Variants in CES4A observed in about 807,000 individuals in gnomAD.
CES4A encodes the protein carboxylesterase 6.
A neutral mutation model predicts 65.4 loss-of-function variants in CES4A; 48 were observed. The observed-to-expected ratio is 0.73, with a 90% CI of 0.58 to 0.93. The LOEUF is 0.93. CES4A is among the 40% of genes least tolerant of loss of function. The pLI is 0.00. For synonymous variants in CES4A, 247 were observed against 281.8 expected (o/e 0.88, Z 1.24); for missense variants, 685 against 728.5 (o/e 0.94, Z 0.69).
In CES4A at chr16:67,000,599, G is replaced by A. The variant is rs1965214368; in HGVS notation, c.261-39G>A. 1 of 1,523,016 alleles carries A rather than the reference G, an allele frequency of 6.6e-7. No homozygotes were observed. Among genetic ancestry groups the A allele is most frequent in the Non-Finnish European group, 8.8e-7 (1 of 1,130,454 alleles). 94.3% of individuals were successfully genotyped at this position (1,523,016 alleles called of 1,614,324 possible). ...CTCACTGCGGACCCTGGATTGAAAC[G>A]ATCTCCCCGCGGCCGCCGCCGCTAC... On this transcript the variant is annotated intron_variant, in intron 2 of 13. Transcript: ENST00000648724. This position sits in a 1 kb window ranked among gnomAD's most constrained non-coding sequence, Gnocchi z 4.2.
intron 13 of CES4A, chr16:67,008,677 G>A (rs1331350821): frequency 7.1e-6 from 2 of 280,026 alleles, no homozygotes; most frequent in Non-Finnish European, 1.4e-5. Context: ...TGGGATTACA[G>A]GCATGAGCCA....
At chr16:66,993,445 C>T (rs1014541003) in intron 1 of CES4A, among the ~76,000 whole-genome samples, 2 of 152,050 alleles carry the variant, frequency 1.3e-5, no homozygotes, top group African/African-American at 2.4e-5. Context: ...CGGGTTCAAG[C>T]GATTCTCCTG....
intron 2 of CES4A, chr16:66,996,040 T>G: frequency 1.5e-6 from 1 of 687,968 alleles, no homozygotes; most frequent in Non-Finnish European, 2.6e-6. Context: ...GGTTTTTGTT[T>G]TTGTTTTTGT....
exon 2 of CES4A, chr16:66,995,727 G>A (rs1467673425): frequency 1.2e-6 from 2 of 1,614,196 alleles, no homozygotes; most frequent in African/African-American, 1.3e-5. Context: ...GTCTTTTTAG[G>A]AGTCCCCTTC....
rs753212297 is a variant in CES4A at position 67,000,687 on chromosome 16, C to G, written c.310C>G (p.Arg104Gly). ...GCTGGCCTCGATGTACGTCAGCACG[C>G]GGGAACGGTACAAGTGGCTGCGCTT... The change falls in exon 3 of 14, where the codon CGG becomes GGG. Residue 104 changes from arginine to glycine, a missense_variant. Coordinates refer to ENST00000648724, the Ensembl canonical transcript of CES4A. This position sits in a 1 kb window ranked among gnomAD's most constrained non-coding sequence, Gnocchi z 4.2. 6 of 1,550,638 alleles carry G rather than the reference C, an allele frequency of 3.9e-6. No homozygotes were observed. In the Admixed American group the frequency reaches 9.8e-5, roughly 25 times the overall value.
chr16:67,001,226 G>C lies in CES4A; in HGVS notation c.537-82G>C. The C allele has an allele frequency of 6.8e-7, 1 of 1,467,528 alleles. No individual in the cohort carries two copies. Among genetic ancestry groups the C allele is most frequent in the Non-Finnish European group, 9.0e-7 (1 of 1,107,942 alleles). 90.9% of individuals were successfully genotyped at this position (1,467,528 alleles called of 1,614,324 possible). A position where few individuals can be genotyped will look rare whatever the true frequency, so the allele number is the denominator to read the frequency against. ...GTCTTAGAGGGGCAAGGCTGGGCTGGGTGGGGGAAGCCCAGGAGGGCAGCC... is the reference window on the plus strand; with the variant it reads ...GTCTTAGAGGGGCAAGGCTGGGCTGCGTGGGGGAAGCCCAGGAGGGCAGCC... On this transcript the variant is annotated intron_variant, in intron 4 of 13. Transcript: ENST00000648724. The surrounding 1 kb of genome is among the most constrained non-coding windows in gnomAD (Gnocchi z 4.1).
At chr16:67,007,336 C>G (rs1236248754) in intron 13 of CES4A, 1 of 152,186 alleles carries the variant, frequency 6.6e-6, no homozygotes, top group Non-Finnish European at 1.5e-5. Context: ...AGTGCAGTGG[C>G]GCAATCCCAG....
chr16:67,007,777 T>A (rs1160772394), intron 13 of CES4A: 1 of 151,152 alleles, frequency 6.6e-6, no homozygotes, highest in Non-Finnish European at 1.5e-5. Flanking sequence ...CATACCACCA[T>A]GCCCGTCTAA....
rs1449385379 is a variant in CES4A at position 66,995,680 on chromosome 16, AGGAAAACAGATGCATGTGG to A, written c.116_134del (p.Lys39ArgfsTer8). 2 of 1,614,236 alleles carry A rather than the reference AGGAAAACAGATGCATGTGG, an allele frequency of 1.2e-6. No individual in the cohort carries two copies. The highest frequency in any genetic ancestry group is 2.2e-5 in the South Asian group (2 of 91,090). On this transcript the variant is annotated frameshift_variant, in exon 2 of 14. Coordinates refer to ENST00000648724, the Ensembl canonical transcript of CES4A. LOFTEE classifies it high-confidence loss of function. ...TGGTCACCAAATATGGAACCCTGCA[AGGAAAACAGATGCATGTGG>A]GGAAGACACCCATCCAAGTCTTTTT...
At chr16:66,998,827 C>G (rs1316973252) in intron 2 of CES4A, among the ~76,000 whole-genome samples, 1 of 151,920 alleles carries the variant, frequency 6.6e-6, no homozygotes, top group Non-Finnish European at 1.5e-5. Context: ...TGCCACTGCA[C>G]TCCAGCCTGG....
Position 67,005,408 on chromosome 16 carries a change from C to T in CES4A, c.1315+15C>T. ...CTACCACCGAGGTATGCAGGGTCCCCAAGAGTGGCCACACTGGCCCCGTCC... is the reference window on the plus strand; with the variant it reads ...CTACCACCGAGGTATGCAGGGTCCCTAAGAGTGGCCACACTGGCCCCGTCC... On this transcript the variant is annotated intron_variant, in intron 11 of 13. Coordinates refer to ENST00000648724, the Ensembl canonical transcript of CES4A. The T allele has an allele frequency of 1.2e-6, 2 of 1,611,522 alleles. No individual in the cohort carries two copies. Among genetic ancestry groups the T allele is most frequent in the Non-Finnish European group, 1.7e-6 (2 of 1,178,862 alleles).
chr16:66,992,046 G>C (rs768924938), intron 1 of CES4A, among the ~76,000 whole-genome samples: 2 of 152,242 alleles, frequency 1.3e-5, no homozygotes, highest in Non-Finnish European at 2.9e-5. Flanking sequence ...TATAGCTATT[G>C]GCTATTCCAC....
At chr16:67,005,623 G>C in intron 11 of CES4A, 5 of 469,292 alleles carry the variant, frequency 1.1e-5, no homozygotes, top group Non-Finnish European at 1.9e-5. Flanking sequence ...GAAGTGGGTG[G>C]ATCATTTGAG....
chr16:66,988,723 C>T, exon 1 of CES4A: 1 of 1,552,052 alleles, frequency 6.4e-7, no homozygotes, highest in Non-Finnish European at 8.7e-7. Context: ...ACAGTGTTGC[C>T]ATCCACAGTG....
In CES4A at chr16:67,004,215, C is replaced by T. The variant is rs750698685; in HGVS notation, c.1071C>T (p.Leu357=). 6.8e-6 allele frequency: 11 copies of T among 1,613,986 alleles called. No individual in the cohort carries two copies. The African/African-American group carries it at 1.5e-4, about 22-fold the overall frequency. The change falls in exon 9 of 14, where the codon CTC becomes CTT. Residue 357 remains leucine (L), a synonymous_variant. Coordinates refer to ENST00000648724, the Ensembl canonical transcript of CES4A. ...TCAACAACCTGGAATTCAATTGGCT[C>T]TTGCCTTATGTAAGTGAGTAGGAGT... is the stretch of plus-strand genomic sequence containing the variant.
Position 67,000,503 on chromosome 16 carries a change from A to ACACGCACGCACATGCG in CES4A, c.261-127_261-112dup. On this transcript the variant is annotated intron_variant, in intron 2 of 13. Transcript: ENST00000648724. This position sits in a 1 kb window ranked among gnomAD's most constrained non-coding sequence, Gnocchi z 4.2. ...GCTGGCGGAGGCCTCCTGTACACGC[A>ACACGCACGCACATGCG]CACGCACGCACATGCGCACGCACAC... 10 of 1,438,880 alleles carry ACACGCACGCACATGCG rather than the reference A, an allele frequency of 6.9e-6. No individual in the cohort carries two copies. The South Asian group carries it at 1.2e-4, about 17-fold the overall frequency. 89.1% of individuals were successfully genotyped at this position (1,438,880 alleles called of 1,614,324 possible).
At chr16:66,996,357 G>A (rs1964854574) in intron 2 of CES4A, among the ~76,000 whole-genome samples, 1 of 152,104 alleles carries the variant, frequency 6.6e-6, no homozygotes, top group Non-Finnish European at 1.5e-5. Flanking sequence ...TCTTAGAGGA[G>A]AGCTCCAGGC....
intron 2 of CES4A, among the ~76,000 whole-genome samples, chr16:66,996,737 C>A (rs186525112): frequency 6.6e-6 from 1 of 152,140 alleles, no homozygotes; most frequent in African/African-American, 2.4e-5. Flanking sequence ...ATACAAATAC[C>A]ACCCCAGGTG....
chr16:67,008,074 C>G (rs1030810759), intron 13 of CES4A: 1 of 152,166 alleles, frequency 6.6e-6, no homozygotes, highest in Admixed American at 6.6e-5. Context: ...TGTGAGCCAC[C>G]ACGCCTAGCC....
Sources: gnomAD v4.1 joint callset for allele counts (sites outside exome capture counted in the v4.1 genomes callset) on GRCh38, gnomAD v4.1.1 for gene constraint, Gnocchi (gnomAD v3.1) non-coding constraint, MANE v1.5 for transcripts, NCBI Gene and HGNC (gene_info 2026-07-23, HGNC 2026-07-21) for gene names.